SV2C: variants seen among roughly 807,000 people sequenced by gnomAD.
The protein encoded by SV2C is synaptic vesicle glycoprotein 2C.
Under a neutral mutation model 79.7 loss-of-function variants are expected in SV2C, and 49 were observed. The observed-to-expected ratio is 0.61, with a 90% confidence interval of 0.49 to 0.78. SV2C has a LOEUF of 0.78. Ranked by LOEUF, SV2C falls within the 30% of genes least tolerant of loss-of-function variation. The pLI is 0.00. For missense variants in SV2C, 833 were observed against 912.9 expected (o/e 0.91, Z 1.13); for synonymous variants, 334 against 333.2 (o/e 1.00, Z -0.03).
chr5:76,211,979 T>C (rs1283965486), intron 4 of SV2C, among the ~76,000 whole-genome samples: 2 of 152,180 alleles, frequency 1.3e-5, no homozygotes, highest in Non-Finnish European at 2.9e-5. Context: ...CAAGCTCAAG[T>C]GGTGGGTTTT....
the SV2C span, among the ~76,000 whole-genome samples, chr5:75,987,399 C>T: frequency 2.0e-5 from 3 of 151,978 alleles, no homozygotes; most frequent in African/African-American, 7.2e-5. Context: ...ACCTGTAACT[C>T]AGACAGGATT....
At chr5:75,875,566 CA>C in the SV2C span, among the ~76,000 whole-genome samples, 1 of 152,044 alleles carries the variant, frequency 6.6e-6, no homozygotes, top group East Asian at 1.9e-4. Context: ...GCAAGAAAAG[CA>C]AAAATTGTCA....
chr5:76,210,975 C>G (rs1472736991), intron 4 of SV2C, among the ~76,000 whole-genome samples: 2 of 152,310 alleles, frequency 1.3e-5, no homozygotes, highest in East Asian at 1.9e-4. Flanking sequence ...GCTGGGGATT[C>G]CTCTCCCCTC....
chr5:76,179,707 G>A (rs1181575629), intron 2 of SV2C, among the ~76,000 whole-genome samples: 3 of 152,160 alleles, frequency 2.0e-5, no homozygotes, highest in Admixed American at 2.0e-4. Context: ...AATTCACCTC[G>A]ACTTTGCCAT....
At chr5:76,174,035 T>C in intron 2 of SV2C, 1 of 1,567,966 alleles carries the variant, frequency 6.4e-7, no homozygotes, top group Non-Finnish European at 8.8e-7. Flanking sequence ...AAGCATACAC[T>C]GTTGTGCATC....
At chr5:75,918,193 G>A in the SV2C span, among the ~76,000 whole-genome samples, 5 of 152,252 alleles carry the variant, frequency 3.3e-5, no homozygotes, top group East Asian at 3.9e-4. Context: ...CCAGTTATTC[G>A]CAGAGCTGGG....
At chr5:76,038,052 C>G in the SV2C span, among the ~76,000 whole-genome samples, 1 of 152,252 alleles carries the variant, frequency 6.6e-6, no homozygotes, top group South Asian at 2.1e-4. Flanking sequence ...AGGGAACTCC[C>G]TGACCCCTTG....
the SV2C span, among the ~76,000 whole-genome samples, chr5:76,030,024 C>T: frequency 1.4e-4 from 21 of 152,184 alleles, no homozygotes; most frequent in East Asian, 2.3e-3. Flanking sequence ...CTGCAGACCC[C>T]GGTTTCTATG....
At chr5:76,207,582 T>G (rs1004754856) in intron 3 of SV2C, among the ~76,000 whole-genome samples, 8 of 152,184 alleles carry the variant, frequency 5.3e-5, no homozygotes, top group African/African-American at 1.9e-4. Flanking sequence ...TTTTTTGTCA[T>G]GGTTAATATG....
the SV2C span, among the ~76,000 whole-genome samples, chr5:75,870,959 A>G: frequency 6.6e-6 from 1 of 152,254 alleles, no homozygotes; most frequent in Non-Finnish European, 1.5e-5. Context: ...AAGAAATGAC[A>G]GAGTAACTTC....
At chr5:76,052,630 C>A in the SV2C span, among the ~76,000 whole-genome samples, 1 of 152,186 alleles carries the variant, frequency 6.6e-6, no homozygotes, top group Admixed American at 6.5e-5. Context: ...ATGTGTGTCA[C>A]ACATGGCCTG....
chr5:76,207,392 A>G (rs1309718505), intron 3 of SV2C, among the ~76,000 whole-genome samples: 1 of 152,228 alleles, frequency 6.6e-6, no homozygotes, highest in South Asian at 2.1e-4. Context: ...TTTATGGTGC[A>G]GAGAAACGGA....
At chr5:76,076,283 A>G in the SV2C span, among the ~76,000 whole-genome samples, 16 of 152,258 alleles carry the variant, frequency 1.1e-4, no homozygotes, top group Admixed American at 3.3e-4. Flanking sequence ...GGCAACCAGC[A>G]GAGTTGGATA....
intron 1 of SV2C, among the ~76,000 whole-genome samples, chr5:76,118,486 G>T (rs1748355790): frequency 6.6e-6 from 1 of 152,148 alleles, no homozygotes; most frequent in Admixed American, 6.6e-5. Flanking sequence ...AAGGATAAAA[G>T]ATTTCACAAG....
the SV2C span, among the ~76,000 whole-genome samples, chr5:75,999,825 C>T: frequency 6.6e-6 from 1 of 152,154 alleles, no homozygotes; most frequent in African/African-American, 2.4e-5. Context: ...CTACTCTCTG[C>T]TTGTAAGATG....
intron 6 of SV2C, 34 bp from the exon 7 acceptor site, chr5:76,291,187 G>C: frequency 6.5e-7 from 1 of 1,535,710 alleles, no homozygotes; most frequent in Non-Finnish European, 8.9e-7. Flanking sequence ...TTCAGAGAAG[G>C]TAACTTAGCG....
At chr5:76,151,769 C>G (rs773332568) in intron 2 of SV2C, among the ~76,000 whole-genome samples, 8 of 151,998 alleles carry the variant, frequency 5.3e-5, no homozygotes, top group Non-Finnish European at 1.0e-4. Context: ...TTGAGTGTGT[C>G]TTCTTCACAC....
At chr5:76,107,103 C>T (rs949865853) in intron 1 of SV2C, among the ~76,000 whole-genome samples, 2 of 152,076 alleles carry the variant, frequency 1.3e-5, no homozygotes, top group African/African-American at 4.8e-5. Flanking sequence ...TTAAAGACTG[C>T]CAGGAATAAC....
the SV2C span, among the ~76,000 whole-genome samples, chr5:76,050,302 T>C: frequency 6.6e-6 from 1 of 152,196 alleles, no homozygotes; most frequent in Non-Finnish European, 1.5e-5. Flanking sequence ...TTTTCTTTCA[T>C]GACTAAACAT....
Sources: allele counts gnomAD v4.1 joint callset (sites outside exome capture counted in the v4.1 genomes callset), GRCh38; gene constraint gnomAD v4.1.1; transcripts MANE v1.5; gene names NCBI Gene and HGNC (gene_info 2026-07-23, HGNC 2026-07-21).